The following STKLD1 variants were observed in gnomAD, a reference collection of about 807,000 sequenced individuals.
The protein encoded by STKLD1 is serine/threonine kinase like domain containing 1, also known as serine/threonine kinase-like domain-containing protein STKLD1.
In STKLD1, 79 loss-of-function variants were observed where a neutral mutation model predicts 80.4. That is an observed-to-expected ratio of 0.98 (90% CI 0.82 to 1.19). The LOEUF is 1.19. Ranked by LOEUF, STKLD1 falls within the 50% of genes most tolerant of loss-of-function variation. The pLI is 0.00. For missense variants in STKLD1, 841 were observed against 856.0 expected (o/e 0.98, Z 0.22); for synonymous variants, 393 against 357.6 (o/e 1.10, Z -1.12).
rs1554776863 is a variant in STKLD1, at chr9:133,397,269, A to G, written c.972A>G (p.Leu324=). The change falls in exon 10 of 18, where the codon TTA becomes TTG. Residue 324 remains leucine, a synonymous_variant. Coordinates refer to ENST00000371957, the MANE Select transcript of STKLD1 (RefSeq NM_153710.5). ...MVPASITDML[L]EGNVASILEV... The stretch of plus-strand genomic sequence containing the variant: ...CTGCGTCCATCACCGACATGCTGTT[A>G]GAAGGCAACGTGGCCAGCATTTTAG... 6.2e-7 allele frequency: 1 copy of G among 1,613,780 alleles called. No homozygotes were observed. The highest frequency in any genetic ancestry group is 1.1e-5 in the South Asian group (1 of 91,076).
At position 133,405,210 on chromosome 9, in the gene STKLD1, A is replaced by G. The variant is rs1554778476; in HGVS notation, c.1874-42A>G. The G allele has an allele frequency of 1.9e-6, 3 of 1,553,084 alleles. No individual in the cohort carries two copies. The South Asian group carries it at 3.6e-5, about 19-fold the overall frequency. On this transcript the variant is annotated intron_variant, in intron 17 of 17. Coordinates refer to ENST00000371957, the MANE Select transcript of STKLD1 (RefSeq NM_153710.5). ...TTCTGGGGCTTCTGGCAAGGGGCAC[A>G]GGAAGGACTCTGGCCTCAGGACCTT...
In STKLD1 at chr9:133,394,063, C is replaced by T; in HGVS notation, c.584-228C>T. Reference sequence around the variant, plus strand: ...CCTGGTGGGCACCCACCAAGATGGACAGCTTCAGTGGCTCCAGATCAACAC... The same window carrying T: ...CCTGGTGGGCACCCACCAAGATGGATAGCTTCAGTGGCTCCAGATCAACAC... On this transcript the variant is annotated intron_variant, in intron 7 of 17. Coordinates refer to ENST00000371957, the MANE Select transcript of STKLD1 (RefSeq NM_153710.5). The surrounding 1 kb of genome is among the most constrained non-coding windows in gnomAD (Gnocchi z 4.9). 3.7e-6 allele frequency: 2 copies of T among 546,370 alleles called. No individual in the cohort carries two copies. Among genetic ancestry groups the T allele is most frequent in the South Asian group, 4.7e-5 (2 of 42,674 alleles). 33.8% of individuals were successfully genotyped at this position (546,370 alleles called of 1,614,324 possible).
chr9:133,388,709 T>C (rs2130282780), intron 5 of STKLD1: 7 of 978,996 alleles, frequency 7.2e-6, no homozygotes, highest in Non-Finnish European at 8.5e-6. Context: ...GAAGCTTGGT[T>C]ATTTTTGCCT....
At chr9:133,387,021 G>T (rs2130278620) in intron 4 of STKLD1, among the ~76,000 whole-genome samples, 13 of 152,340 alleles carry the variant, frequency 8.5e-5, no homozygotes, top group African/African-American at 2.9e-4. Context: ...ATTTCCCTAT[G>T]GGAGGGAGCA....
chr9:133,383,286 G>GGGA (rs1838186057), intron 2 of STKLD1, among the ~76,000 whole-genome samples: 1 of 16,422 alleles, frequency 6.1e-5, no homozygotes, highest in East Asian at 2.1e-3. Flanking sequence ...TGGTGGTGGT[G>GGGA]TGATGATGTG....
chr9:133,403,215 G>A (rs782033135), intron 14 of STKLD1, among the ~76,000 whole-genome samples: 2 of 152,248 alleles, frequency 1.3e-5, no homozygotes, highest in Non-Finnish European at 1.5e-5. Flanking sequence ...GGGGAGAAAG[G>A]CCTTCTGGCA....
rs2130285735 is a variant in STKLD1 at position 133,390,097 on chromosome 9, G to T, written c.467+501G>T. Among the ~76,000 whole-genome samples, 2 of 152,136 alleles carry T rather than the reference G, an allele frequency of 1.3e-5. No homozygotes were observed. Among genetic ancestry groups the T allele is most frequent in the East Asian group, 3.9e-4 (2 of 5,182 alleles). ...GCACGCCTGTGGTCCTAGCAACATG[G>T]AGGCTGAGATGGGAGGATTGCTTGA... On this transcript the variant is annotated intron_variant, in intron 6 of 17. Transcript: ENST00000371957. The surrounding 1 kb of genome is among the most constrained non-coding windows in gnomAD (Gnocchi z 5.1).
chr9:133,377,799 T>A (rs2130255668), intron 1 of STKLD1, among the ~76,000 whole-genome samples: 3 of 152,206 alleles, frequency 2.0e-5, no homozygotes, highest in Non-Finnish European at 2.9e-5. Flanking sequence ...AGTGTGCAGT[T>A]CATTTCTATT....
intron 2 of STKLD1, among the ~76,000 whole-genome samples, chr9:133,383,198 G>A (rs1838181679): frequency 6.7e-6 from 1 of 149,486 alleles, no homozygotes; most frequent in Admixed American, 6.7e-5. Flanking sequence ...TGGTGTGATG[G>A]TGATTTTGGT....
intron 1 of STKLD1, among the ~76,000 whole-genome samples, chr9:133,377,952 C>T (rs1054550240): frequency 2.0e-5 from 3 of 152,214 alleles, no homozygotes; most frequent in African/African-American, 7.2e-5. Flanking sequence ...ATTTGTTTCT[C>T]ATAAGGAGCA....
At chr9:133,383,794 G>A (rs1554774994) in intron 2 of STKLD1, 62 bp from the exon 3 acceptor site, 1 of 1,501,846 alleles carries the variant, frequency 6.7e-7, no homozygotes, top group Non-Finnish European at 9.3e-7. Context: ...GGTGGTGATG[G>A]CGGTGATAAC....
At chr9:133,400,572 G>A (rs782239904) in intron 12 of STKLD1, 43 bp downstream of exon 12, 8 of 1,485,918 alleles carry the variant, frequency 5.4e-6, no homozygotes, top group South Asian at 1.1e-5. Flanking sequence ...GAGGCTGTGC[G>A]CTGCTTCCTG....
At chr9:133,383,287 T>TGAG (rs1838186245) in intron 2 of STKLD1, among the ~76,000 whole-genome samples, 1 of 54,892 alleles carries the variant, frequency 1.8e-5, no homozygotes, top group Non-Finnish European at 3.6e-5. Context: ...GGTGGTGGTG[T>TGAG]GATGATGTGA....
rs782292872 is a variant in STKLD1, at chr9:133,401,789, C to T, written c.1250C>T (p.Ser417Phe). The change falls in exon 13 of 18, where the codon TCC becomes TTC. Residue 417 changes from serine (S) to phenylalanine (F), a missense_variant. Coordinates refer to ENST00000371957, the MANE Select transcript of STKLD1 (RefSeq NM_153710.5). ...AKAPCNQAIT[S>F]TLLSALQSHP... is the part of the protein sequence containing the mutation. ...GCTCCCTGCAACCAAGCCATCACCT[C>T]CACCCTGCTGAGTGCTCTTCAGAGC... is the stretch of plus-strand genomic sequence containing the variant. 3.7e-6 allele frequency: 6 copies of T among 1,613,680 alleles called. No homozygotes were observed. The highest frequency in any genetic ancestry group is 5.1e-6 in the Non-Finnish European group (6 of 1,180,018).
At chr9:133,397,501 A>G (rs1042812779) in intron 10 of STKLD1, among the ~76,000 whole-genome samples, 5 of 152,048 alleles carry the variant, frequency 3.3e-5, no homozygotes, top group Non-Finnish European at 7.4e-5. Flanking sequence ...ATAGCTCCCA[A>G]CTACCTATAA....
In STKLD1 at chr9:133,395,644, A is replaced by T. The variant is rs1180479650; in HGVS notation, c.747A>T (p.Pro249=). Reference sequence around the variant, plus strand: ...TGCGGAAGTCCCTCCGCCAGAGCCCAGGCAGCCTGAAGGCCGTCCTGAAGA... The same window carrying T: ...TGCGGAAGTCCCTCCGCCAGAGCCCTGGCAGCCTGAAGGCCGTCCTGAAGA... ...MHLRKSLRQS[P]GSLKAVLKTM... The change falls in exon 9 of 18, where the codon CCA becomes CCT. Residue 249 remains proline, a synonymous_variant. Coordinates refer to ENST00000371957, the MANE Select transcript of STKLD1 (RefSeq NM_153710.5). 3 of 1,613,242 alleles carry T rather than the reference A, an allele frequency of 1.9e-6. No homozygotes were observed. Among genetic ancestry groups the T allele is most frequent in the Non-Finnish European group, 2.5e-6 (3 of 1,180,030 alleles).
At position 133,405,400 on chromosome 9, in the gene STKLD1, C is replaced by T. The variant is rs373103197; in HGVS notation, c.2022C>T (p.Thr674=). The T allele has an allele frequency of 1.2e-6, 2 of 1,610,010 alleles. No homozygotes were observed. Among genetic ancestry groups the T allele is most frequent in the Non-Finnish European group, 1.7e-6 (2 of 1,179,702 alleles). ...PPGGSPQLGC[T]TSGGLE ...GTGGAAGCCCCCAGCTGGGGTGCACCACGTCTGGGGGACTGGAATAGATGT... is the reference window on the plus strand; with the variant it reads ...GTGGAAGCCCCCAGCTGGGGTGCACTACGTCTGGGGGACTGGAATAGATGT... Residue 674 remains threonine (T), a synonymous_variant, in exon 18 of 18, where the codon ACC becomes ACT. Transcript: ENST00000371957.
intron 9 of STKLD1, 69 bp from the exon 10 acceptor site, chr9:133,397,095 G>C: frequency 6.2e-7 from 1 of 1,603,192 alleles, no homozygotes; most frequent in Non-Finnish European, 8.5e-7. Flanking sequence ...CAGAGGCAGA[G>C]GGAGAGCCCC....
intron 11 of STKLD1, 21 bp downstream of exon 11, chr9:133,398,076 C>T: frequency 1.2e-6 from 2 of 1,608,770 alleles, no homozygotes; most frequent in Non-Finnish European, 1.7e-6. Context: ...CCCTGCACCC[C>T]TTTCCCAGCT....
Sources: allele counts gnomAD v4.1 joint callset (sites outside exome capture counted in the v4.1 genomes callset), GRCh38; gene constraint gnomAD v4.1.1; non-coding constraint Gnocchi (gnomAD v3.1); transcripts MANE v1.5; gene names NCBI Gene and HGNC (gene_info 2026-07-23, HGNC 2026-07-21).